Variants in CEP126 observed in about 807,000 individuals in gnomAD.
CEP126 encodes centrosomal protein of 126 kDa.
Under a neutral mutation model 107.8 loss-of-function variants are expected in CEP126, and 74 were observed. The ratio of observed to expected loss-of-function variants is 0.69; its 90% CI spans 0.57 to 0.83. The LOEUF is 0.83. Ranked by LOEUF, CEP126 falls within the 40% of genes least tolerant of loss-of-function variation. CEP126 has a pLI of 0.00. For synonymous variants in CEP126, 449 were observed against 446.0 expected (o/e 1.01, Z -0.08); for missense variants, 1,237 against 1,281.9 (o/e 0.96, Z 0.53).
At chr11:101,955,653 A>G (rs1039621818) in intron 4 of CEP126, 10 of 340,128 alleles carry the variant, frequency 2.9e-5, no homozygotes, top group African/African-American at 4.3e-5. Context: ...GGTTGATCAA[A>G]GGATGATCAT....
chr11:101,918,848 G>A (rs1321513422), intron 1 of CEP126, among the ~76,000 whole-genome samples: 15 of 152,230 alleles, frequency 9.9e-5, no homozygotes, highest in Admixed American at 9.8e-4. Context: ...AAGGTAGAAC[G>A]AACTGCTTGA....
intron 3 of CEP126, 72 bp downstream of exon 3, chr11:101,944,482 C>T (rs917560011): frequency 7.2e-6 from 10 of 1,386,232 alleles, no homozygotes; most frequent in South Asian, 1.4e-5. Flanking sequence ...ACAATAAAAT[C>T]GTAAATGAAG....
At chr11:101,955,916 C>T (rs1235203876) in intron 4 of CEP126, 1 of 456,332 alleles carries the variant, frequency 2.2e-6, no homozygotes, top group African/African-American at 2.0e-5. Flanking sequence ...AACTGTTTCT[C>T]CTGCCCGCCA....
chr11:101,971,316 A>AG (rs74829387), intron 6 of CEP126, among the ~76,000 whole-genome samples: 10,711 of 151,842 alleles, frequency 0.071, 576 homozygotes, highest in East Asian at 0.27. Flanking sequence ...CAGATTTTTC[A>AG]TAATACACAT....
chr11:101,998,080 C>A lies in CEP126; in HGVS notation c.*437C>A. 8.6e-6 allele frequency: 1 copy of A among 116,160 alleles called. No individual in the cohort carries two copies. The allele number at this position is 116,160 out of a possible 1,614,324, so 7.2% of individuals were successfully genotyped here. A position where few individuals can be genotyped will look rare whatever the true frequency, so the allele number is the denominator to read the frequency against. ...CTGATAAGATGTTTATGAAGTATGG[C>A]ATATTTTGATTTTTTTAATTGTAAT... is the stretch of plus-strand genomic sequence containing the variant. On this transcript the variant is annotated 3_prime_UTR_variant, in exon 11 of 11. Coordinates refer to ENST00000263468, the MANE Select transcript of CEP126 (RefSeq NM_020802.4).
intron 6 of CEP126, 101 bp downstream of exon 6, chr11:101,963,981 T>C (rs1028484526): frequency 2.8e-6 from 2 of 724,144 alleles, no homozygotes; most frequent in African/African-American, 3.6e-5. Context: ...ACTACATAAA[T>C]ATTAATATTA....
intron 6 of CEP126, among the ~76,000 whole-genome samples, chr11:101,971,170 T>A (rs536848902): frequency 6.6e-6 from 1 of 152,312 alleles, no homozygotes; most frequent in African/African-American, 2.4e-5. Flanking sequence ...AGTCTCACCA[T>A]GTTGCCCAGG....
At position 101,998,724 on chromosome 11, in the gene CEP126, T is replaced by C. The variant is rs993605013; in HGVS notation, c.*1081T>C. ...ATTAGTTTTGAAACACTTGATGTAGTGAGAAATGCATTAACATGTTGAATG... is the reference window on the plus strand; with the variant it reads ...ATTAGTTTTGAAACACTTGATGTAGCGAGAAATGCATTAACATGTTGAATG... On this transcript the variant is annotated 3_prime_UTR_variant, in exon 11 of 11. Transcript: ENST00000263468. The C allele has an allele frequency of 6.6e-6, 1 of 151,910 alleles. No individual in the cohort carries two copies. The highest frequency in any genetic ancestry group is 2.4e-5 in the African/African-American group (1 of 41,360). 9.4% of individuals were successfully genotyped at this position (151,910 alleles called of 1,614,324 possible).
At chr11:101,958,437 C>CTCCA in intron 5 of CEP126, 71 bp downstream of exon 5, 1 of 1,268,758 alleles carries the variant, frequency 7.9e-7, no homozygotes, top group Non-Finnish European at 1.1e-6. Flanking sequence ...TTGCAGTGTT[C>CTCCA]TCCACTAAAG....
At chr11:101,928,980 C>G (rs960378200) in intron 2 of CEP126, among the ~76,000 whole-genome samples, 42 of 152,324 alleles carry the variant, frequency 2.8e-4, no homozygotes, top group African/African-American at 9.1e-4. Context: ...ATGGGGAAAA[C>G]TGACATCTTC....
At position 101,995,986 on chromosome 11, in the gene CEP126, G is replaced by C. The variant is rs117506826; in HGVS notation, c.3310-1613G>C. Among the ~76,000 whole-genome samples, 33 of 152,266 alleles carry C rather than the reference G, an allele frequency of 2.2e-4. No individual in the cohort carries two copies. The East Asian group carries it at 6.4e-3, about 29-fold the overall frequency. ...TTCACATTTCTCAGTTAGAAATTTT[G>C]GCCACAAAAGAAGAAGGCAGAAGTG... is the stretch of plus-strand genomic sequence containing the variant. On this transcript the variant is annotated intron_variant, in intron 10 of 10. Coordinates refer to ENST00000263468, the MANE Select transcript of CEP126 (RefSeq NM_020802.4).
intron 2 of CEP126, among the ~76,000 whole-genome samples, chr11:101,928,075 A>G (rs750617570): frequency 1.3e-5 from 2 of 152,098 alleles, no homozygotes; most frequent in Non-Finnish European, 1.5e-5. Flanking sequence ...ATAGGTATGC[A>G]GTAATATCTC....
intron 6 of CEP126, among the ~76,000 whole-genome samples, chr11:101,967,082 G>A (rs1448497427): frequency 1.1e-4 from 16 of 143,972 alleles, no homozygotes; most frequent in African/African-American, 2.4e-4. Context: ...AGGCTAGGGC[G>A]CAGTGGCGTG....
intron 6 of CEP126, among the ~76,000 whole-genome samples, chr11:101,974,762 C>G (rs1941173764): frequency 6.6e-6 from 1 of 152,060 alleles, no homozygotes; most frequent in African/African-American, 2.4e-5. Flanking sequence ...TAGCAAGGTT[C>G]TCAGCTTTTG....
chr11:101,938,939 C>T (rs1318676480), intron 2 of CEP126, among the ~76,000 whole-genome samples: 2 of 151,984 alleles, frequency 1.3e-5, no homozygotes, highest in Non-Finnish European at 2.9e-5. Context: ...AAAACATACC[C>T]TGTAAGATTT....
chr11:101,971,531 TGG>T (rs1182808453), intron 6 of CEP126, among the ~76,000 whole-genome samples: 1 of 151,924 alleles, frequency 6.6e-6, no homozygotes, highest in Non-Finnish European at 1.5e-5. Context: ...GTTTAAGGTT[TGG>T]GCGGGGGGAG....
intron 9 of CEP126, among the ~76,000 whole-genome samples, chr11:101,988,309 G>A (rs915591423): frequency 6.6e-6 from 1 of 152,086 alleles, no homozygotes; most frequent in African/African-American, 2.4e-5. Context: ...GATTACAGAC[G>A]TCTGAACAGA....
chr11:101,985,017 G>A (rs1941299657), intron 8 of CEP126, among the ~76,000 whole-genome samples: 1 of 152,166 alleles, frequency 6.6e-6, no homozygotes, highest in South Asian at 2.1e-4. Flanking sequence ...CAGTGTGAAG[G>A]ATACATCTTA....
In CEP126 at chr11:101,963,565, C is replaced by T; in HGVS notation, c.2530C>T (p.Leu844Phe). Residue 844 changes from leucine (L) to phenylalanine (F), a missense_variant, in exon 6 of 11, where the codon CTT becomes TTT. Leu to Phe is a conservative substitution (Grantham distance 22, BLOSUM62 0). This residue lies in a region of CEP126 where 1,134 missense variants were observed against 1,150.5 expected (regional missense o/e 0.99). Coordinates refer to ENST00000263468, the MANE Select transcript of CEP126 (RefSeq NM_020802.4). ...TAACTCTTTTAATTCAAAACATGTG[C>T]TTCCAACAGAACACAGTTTGAATCA... is the stretch of plus-strand genomic sequence containing the variant. Reference protein sequence around the residue: ...THNSFNSKHVLPTEHSLNQWN... With the variant: ...THNSFNSKHVFPTEHSLNQWN... The T allele has an allele frequency of 1.9e-6, 3 of 1,614,160 alleles. No individual in the cohort carries two copies. The highest frequency in any genetic ancestry group is 2.5e-6 in the Non-Finnish European group (3 of 1,180,034).
Sources: gnomAD v4.1 joint callset for allele counts (sites outside exome capture counted in the v4.1 genomes callset) on GRCh38, gnomAD v4.1.1 for gene constraint, gnomAD v4.1.1 regional missense constraint, MANE v1.5 for transcripts, NCBI Gene and HGNC (gene_info 2026-07-23, HGNC 2026-07-21) for gene names.